Variants in HMCN2 observed in about 807,000 individuals in gnomAD.
The protein encoded by HMCN2 is hemicentin-2.
A neutral mutation model predicts 377.5 loss-of-function variants in HMCN2; 325 were observed. That is an observed-to-expected ratio of 0.86 (90% CI 0.79 to 0.94). The LOEUF is 0.94. Among genes scored for constraint, HMCN2 ranks in the 40% least tolerant of loss-of-function variants. The probability of loss-of-function intolerance (pLI) is 0.00; values close to 1 mark genes in which losing one functional copy is unlikely to be tolerated. For missense variants in HMCN2, 4,543 were observed against 4,725.3 expected (o/e 0.96, Z 1.13); for synonymous variants, 2,007 against 2,046.8 (o/e 0.98, Z 0.53).
Position 130,398,686 on chromosome 9 carries a change from G to A in HMCN2, c.11462G>A (p.Arg3821His), listed in dbSNP as rs1337522827. ...WWKDGQKLDF[R>H]LQQGAYRLLP... ...AAGGACGGACAGAAGCTGGACTTCC[G>A]CCTGCAGCAGGGCGCCTACCGGTAA... Residue 3821 changes from arginine (R) to histidine (H), a missense_variant, in exon 75 of 98, where the codon CGC (arginine) becomes CAC (histidine). By Grantham distance (29) the Arg-to-His change is conservative (BLOSUM62 0). Coordinates refer to ENST00000683500, the MANE Select transcript of HMCN2 (RefSeq NM_001291815.2). The A allele has an allele frequency of 2.9e-5, 38 of 1,289,356 alleles. No homozygotes were observed. Among genetic ancestry groups the A allele is most frequent in the Admixed American group, 1.4e-4 (6 of 43,546 alleles). The allele number at this position is 1,289,356 out of a possible 1,614,324, so 79.9% of individuals were successfully genotyped here. A position where few individuals can be genotyped will look rare whatever the true frequency, so the allele number is the denominator to read the frequency against.
intron 46 of HMCN2, among the ~76,000 whole-genome samples, chr9:130,371,816 C>T (rs1841036171): frequency 6.6e-6 from 1 of 152,246 alleles, no homozygotes; most frequent in Admixed American, 6.5e-5. Context: ...GCTCTGGGTG[C>T]AGTAACAGCA....
intron 28 of HMCN2, 110 bp downstream of exon 28, chr9:130,349,241 CACAGAGGGACCCATG>C: frequency 9.0e-7 from 1 of 1,113,516 alleles, no homozygotes; most frequent in Non-Finnish European, 1.2e-6. Flanking sequence ...GAGCAGGGGG[CACAGAGGGACCCATG>C]ACAGACCCAA....
chr9:130,288,768 T>C (rs782552996), intron 4 of HMCN2, among the ~76,000 whole-genome samples: 1 of 152,142 alleles, frequency 6.6e-6, no homozygotes, highest in African/African-American at 2.4e-5. Context: ...AGCATTTCAC[T>C]TTTTTTCAAT....
rs527973743 is a variant in HMCN2, at chr9:130,391,418, C to A, written c.9828-32C>A. ...GCGGTAGGGCCCATGTTCCCTTACG[C>A]CTCTGCCCTGGGCCCTCCTTCCCTG... On this transcript the variant is annotated intron_variant, in intron 64 of 97. Transcript: ENST00000683500. 22 of 987,910 alleles carry A rather than the reference C, an allele frequency of 2.2e-5. No homozygotes were observed. In the African/African-American group the frequency reaches 3.3e-4, roughly 15 times the overall value. 61.2% of individuals were successfully genotyped at this position (987,910 alleles called of 1,614,324 possible).
chr9:130,397,039 C>A (rs760007545), intron 73 of HMCN2, among the ~76,000 whole-genome samples: 3 of 152,216 alleles, frequency 2.0e-5, no homozygotes, highest in Non-Finnish European at 4.4e-5. Context: ...AGACTCTGAC[C>A]TCCAAAGTTA....
rs954279020 is a variant in HMCN2, at chr9:130,391,525, C to A, written c.9903C>A (p.Ala3301=). The stretch of plus-strand genomic sequence containing the variant: ...ACGCGGGTGCCTACACCTGCGTGGC[C>A]CACAACCCAGCCGGGGAGGACGCCA... ...ASDAGAYTCV[A]HNPAGEDARL... is the part of the protein sequence containing the mutation. The change falls in exon 65 of 98, where the codon GCC becomes GCA. Residue 3301 remains alanine, a synonymous_variant. Transcript: ENST00000683500. 5 of 987,814 alleles carry A rather than the reference C, an allele frequency of 5.1e-6. No homozygotes were observed. In the South Asian group the frequency reaches 2.3e-4, roughly 46 times the overall value. 61.2% of individuals were successfully genotyped at this position (987,814 alleles called of 1,614,324 possible).
At chr9:130,395,488 A>AC (rs1183209139) in intron 71 of HMCN2, 141 bp downstream of exon 71, 2 of 663,646 alleles carry the variant, frequency 3.0e-6, no homozygotes, top group Non-Finnish European at 4.2e-6. Flanking sequence ...CGGGTGTCAT[A>AC]CCCCCCGCCA....
At chr9:130,318,489 G>A (rs1426884172) in intron 15 of HMCN2, among the ~76,000 whole-genome samples, 1 of 152,176 alleles carries the variant, frequency 6.6e-6, no homozygotes, top group Non-Finnish European at 1.5e-5. Context: ...AGGATCTTGA[G>A]TTTCTGTTTT....
Position 130,270,919 on chromosome 9 carries a change from C to G in HMCN2, c.259+4782C>G, listed in dbSNP as rs1367819630. ...TAATGCCCTTTTTCTGCTCCAGGAT[C>G]CCATCCAGGATACATTAATTGTGTC... On this transcript the variant is annotated intron_variant, in intron 1 of 97. Coordinates refer to ENST00000683500, the MANE Select transcript of HMCN2 (RefSeq NM_001291815.2). 3.4e-5 allele frequency among the ~76,000 whole-genome samples: 5 copies of G among 148,810 alleles called. No homozygotes were observed. The East Asian group carries it at 9.7e-4, about 29-fold the overall frequency.
At chr9:130,359,241 G>A in intron 36 of HMCN2, 78 bp from the exon 37 acceptor site, 1 of 718,112 alleles carries the variant, frequency 1.4e-6, no homozygotes, top group Non-Finnish European at 2.1e-6. Context: ...GCAGGGAGCA[G>A]CACTGCTGGG....
At chr9:130,419,959 G>C (rs1379883592) in intron 86 of HMCN2, among the ~76,000 whole-genome samples, 1 of 151,992 alleles carries the variant, frequency 6.6e-6, no homozygotes, top group Admixed American at 6.6e-5. Flanking sequence ...AACCTATGCA[G>C]CTCTGAAAGT....
At chr9:130,399,402 G>A (rs749158519) in intron 75 of HMCN2, 109 bp from the exon 76 acceptor site, 20 of 1,134,538 alleles carry the variant, frequency 1.8e-5, no homozygotes, top group Non-Finnish European at 2.2e-5. Flanking sequence ...GTCAGGGCTG[G>A]AGGTCAGATA....
intron 47 of HMCN2, among the ~76,000 whole-genome samples, chr9:130,372,643 T>C (rs546009948): frequency 1.3e-5 from 2 of 152,200 alleles, no homozygotes; most frequent in Non-Finnish European, 2.9e-5. Flanking sequence ...GGCATGGTGG[T>C]ACACGCCTGT....
Position 130,432,542 on chromosome 9 carries a change from G to T in HMCN2, c.14881G>T (p.Gly4961Cys), listed in dbSNP as rs1310858260. ...DTPCPATYRQ[G>C]PSPGTCFRRC... ...ACCCTGTCCTGCCACCTACCGGCAGGGCCCCAGCCCTGGGTAAGGGCTGAG... is the reference window on the plus strand; with the variant it reads ...ACCCTGTCCTGCCACCTACCGGCAGTGCCCCAGCCCTGGGTAAGGGCTGAG... Residue 4961 changes from glycine to cysteine, a missense_variant, in exon 97 of 98, where the codon GGC becomes TGC. Transcript: ENST00000683500. 5 of 1,550,400 alleles carry T rather than the reference G, an allele frequency of 3.2e-6. No individual in the cohort carries two copies. The highest frequency in any genetic ancestry group is 1.2e-5 in the South Asian group (1 of 84,064).
At chr9:130,300,097 G>T (rs1836419163) in intron 8 of HMCN2, among the ~76,000 whole-genome samples, 1 of 130,474 alleles carries the variant, frequency 7.7e-6, no homozygotes, top group Non-Finnish European at 1.6e-5. Flanking sequence ...TCACCCATTT[G>T]CTTACCCATC....
Position 130,399,602 on chromosome 9 carries a change from G to A in HMCN2, c.11575G>A (p.Ala3859Thr), listed in dbSNP as rs779339198. Residue 3859 changes from alanine to threonine, a missense_variant, in exon 76 of 98, where the codon GCC (alanine) becomes ACC (threonine). Around this residue, in one of 5 missense-constraint regions of HMCN2, gnomAD observed 1,073 missense variants for 1,319.5 expected, o/e 0.81. Coordinates refer to ENST00000683500, the MANE Select transcript of HMCN2 (RefSeq NM_001291815.2). ...CGTGGTGAGCAATGAGGTGGGCGAG[G>A]CCCACAGGCTCTACCAGGTGACCGT... ...ECVVSNEVGE[A>T]HRLYQVTVHV... 2.6e-5 allele frequency: 34 copies of A among 1,289,670 alleles called. 1 individual carries two copies. The highest frequency in any genetic ancestry group is 3.0e-5 in the Non-Finnish European group (30 of 988,796). 79.9% of individuals were successfully genotyped at this position (1,289,670 alleles called of 1,614,324 possible). A position where few individuals can be genotyped will look rare whatever the true frequency, so the allele number is the denominator to read the frequency against.
In HMCN2 at chr9:130,329,567, C is replaced by T. The variant is rs900178238; in HGVS notation, c.3359+2092C>T. The stretch of plus-strand genomic sequence containing the variant: ...AACTGATTCTCCTGCCTTAGGCTCC[C>T]GAGTAGCTGGGATTACAGGCACCTG... On this transcript the variant is annotated intron_variant, in intron 22 of 97. Transcript: ENST00000683500. Among the ~76,000 whole-genome samples the T allele has an allele frequency of 1.1e-4, 16 of 151,920 alleles. 1 individual carries two copies. The highest frequency in any genetic ancestry group is 2.4e-4 in the Non-Finnish European group (16 of 68,004).
rs925574907 is a variant in HMCN2, at chr9:130,375,953, G to C, written c.7882G>C (p.Gly2628Arg). The C allele has an allele frequency of 2.0e-6, 2 of 985,862 alleles. No homozygotes were observed. The highest frequency in any genetic ancestry group is 2.4e-6 in the Non-Finnish European group (2 of 829,952). 61.1% of individuals were successfully genotyped at this position (985,862 alleles called of 1,614,324 possible). A position where few individuals can be genotyped will look rare whatever the true frequency, so the allele number is the denominator to read the frequency against. Residue 2628 changes from glycine to arginine, a missense_variant, in exon 51 of 98, where the codon GGG (glycine) becomes CGG (arginine). Physicochemically the swap from Gly to Arg is moderately radical, Grantham distance 125 (BLOSUM62 -2). Around this residue, in one of 5 missense-constraint regions of HMCN2, gnomAD observed 736 missense variants for 773.2 expected, o/e 0.95. Transcript: ENST00000683500. ...CACCTGCGTGGTCACCAATGAGCTCGGGGAGGCCGTGAAAAACTACCATGT... is the reference window on the plus strand; with the variant it reads ...CACCTGCGTGGTCACCAATGAGCTCCGGGAGGCCGTGAAAAACTACCATGT... ...QYTCVVTNEL[G>R]EAVKNYHVEV... is the part of the protein sequence containing the mutation.
At position 130,394,160 on chromosome 9, in the gene HMCN2, G is replaced by A. The variant is rs1477438517; in HGVS notation, c.10501+152G>A. Among the ~76,000 whole-genome samples, 1 of 152,138 alleles carries A rather than the reference G, an allele frequency of 6.6e-6. No homozygotes were observed. The highest frequency in any genetic ancestry group is 1.5e-5 in the Non-Finnish European group (1 of 68,010). ...ACTCAGGGAACTTGGTTCTGGCTGG[G>A]ATGCCTCTCTCACCTTCCTTGCCTG... On this transcript the variant is annotated intron_variant, in intron 68 of 97. Coordinates refer to ENST00000683500, the MANE Select transcript of HMCN2 (RefSeq NM_001291815.2). The surrounding 1 kb of genome is among the most constrained non-coding windows in gnomAD (Gnocchi z 5.1).
Sources: gnomAD v4.1 joint callset for allele counts (sites outside exome capture counted in the v4.1 genomes callset) on GRCh38, gnomAD v4.1.1 for gene constraint, gnomAD v4.1.1 regional missense constraint, Gnocchi (gnomAD v3.1) non-coding constraint, MANE v1.5 for transcripts, NCBI Gene and HGNC (gene_info 2026-07-23, HGNC 2026-07-21) for gene names.